CARS1: variants seen among roughly 807,000 people sequenced by gnomAD.
CARS1 encodes the protein cysteine--tRNA ligase, cytoplasmic.
Under a neutral mutation model 106.2 loss-of-function variants are expected in CARS1, and 48 were observed. The ratio of observed to expected loss-of-function variants is 0.45; its 90% CI spans 0.36 to 0.57. The LOEUF (loss-of-function observed/expected upper bound fraction) is 0.57. CARS1 is among the 20% of genes least tolerant of loss of function. The probability of loss-of-function intolerance (pLI) is 0.00; values close to 1 mark genes in which losing one functional copy is unlikely to be tolerated. For synonymous variants in CARS1, 409 were observed against 403.4 expected (o/e 1.01, Z -0.17); for missense variants, 968 against 1,057.2 (o/e 0.92, Z 1.17).
rs1849641198 is a variant in CARS1 at position 3,004,144 on chromosome 11, G to A, written c.2217+1222C>T. Among the ~76,000 whole-genome samples the A allele has an allele frequency of 6.6e-6, 1 of 152,208 alleles. No individual in the cohort carries two copies. Among genetic ancestry groups the A allele is most frequent in the African/African-American group, 2.4e-5 (1 of 41,442 alleles). ...GTGAGTGACTGTGATGGAATGGGGA[G>A]GGGCCCTGATGAGGCAGTCACACCA... On this transcript the variant is annotated intron_variant, in intron 20 of 22. Coordinates refer to ENST00000380525, the MANE Select transcript of CARS1 (RefSeq NM_001014437.3). This position sits in a 1 kb window ranked among gnomAD's most constrained non-coding sequence, Gnocchi z 5.2.
At chr11:3,054,663 C>G (rs376150292) in intron 1 of CARS1, among the ~76,000 whole-genome samples, 2 of 152,204 alleles carry the variant, frequency 1.3e-5, no homozygotes, top group African/African-American at 4.8e-5. Context: ...TGATGGTGGA[C>G]AGATTGCTTG....
Position 3,008,981 on chromosome 11 carries a change from A to T in CARS1, c.2069-2022T>A, listed in dbSNP as rs935604151. ...ATGGGTGATCATCAGAGCAGGCACC[A>T]AGAAAGCCTCCCGGGCCACACTCCC... is the stretch of plus-strand genomic sequence containing the variant. On this transcript the variant is annotated intron_variant, in intron 18 of 22. Coordinates refer to ENST00000380525, the MANE Select transcript of CARS1 (RefSeq NM_001014437.3). The surrounding 1 kb of genome is among the most constrained non-coding windows in gnomAD (Gnocchi z 5.1). The T allele has an allele frequency of 6.6e-6, 1 of 152,440 alleles. No homozygotes were observed. The highest frequency in any genetic ancestry group is 2.4e-5 in the African/African-American group (1 of 41,458). 9.4% of individuals were successfully genotyped at this position (152,440 alleles called of 1,614,324 possible).
chr11:3,033,066 A>T (rs182434869), intron 7 of CARS1, among the ~76,000 whole-genome samples: 131 of 152,032 alleles, frequency 8.6e-4, no homozygotes, highest in African/African-American at 3.0e-3. Flanking sequence ...TTTTTTTCTA[A>T]AAAGTGAAAA....
rs1036074693 is a variant in CARS1 at position 3,044,080 on chromosome 11, G to A, written c.275-1824C>T. 6.6e-6 allele frequency among the ~76,000 whole-genome samples: 1 copy of A among 152,184 alleles called. No homozygotes were observed. The highest frequency in any genetic ancestry group is 2.1e-4 in the South Asian group (1 of 4,828). On this transcript the variant is annotated intron_variant, in intron 2 of 22. Transcript: ENST00000380525. This position sits in a 1 kb window ranked among gnomAD's most constrained non-coding sequence, Gnocchi z 4.4. ...TGGAGGCATTCAACCGGCCACTCTA[G>A]GATCCCATCACTCTCCTCCCTCACA...
rs1163533013 is a variant in CARS1, at chr11:3,029,046, A to G, written c.981T>C (p.Tyr327=). Residue 327 remains tyrosine, a synonymous_variant, in exon 9 of 23, where the codon TAT becomes TAC. Transcript: ENST00000380525. This position sits in a 1 kb window ranked among gnomAD's most constrained non-coding sequence, Gnocchi z 5.9. ...PPDVLTRVSE[Y]VPEIVNFVQK... ...GGACAAAGTTCACAATTTCTGGCACATACTCACTAACCCGGGTTAAGACAT... is the reference window on the plus strand; with the variant it reads ...GGACAAAGTTCACAATTTCTGGCACGTACTCACTAACCCGGGTTAAGACAT... 1.5e-5 allele frequency: 24 copies of G among 1,613,910 alleles called. No individual in the cohort carries two copies. In the Middle Eastern group the frequency reaches 4.9e-4, roughly 33 times the overall value.
rs757040395 is a variant in CARS1 at position 3,018,582 on chromosome 11, A to G, written c.1525+38T>C. ...CTACAGCCATTACACATGTATGAGA[A>G]GGTGGTTGGGGGGTCTGTGGGAGAA... On this transcript the variant is annotated intron_variant, in intron 13 of 22. Transcript: ENST00000380525. 5.0e-6 allele frequency: 8 copies of G among 1,613,332 alleles called. No individual in the cohort carries two copies. The South Asian group carries it at 8.8e-5, about 18-fold the overall frequency.
intron 10 of CARS1, among the ~76,000 whole-genome samples, 153 bp downstream of exon 10, chr11:3,026,523 C>T (rs1852093423): frequency 6.6e-6 from 1 of 152,098 alleles, no homozygotes; most frequent in Admixed American, 6.5e-5. Context: ...ATGTTGAGTG[C>T]AGAAAACTCC....
chr11:3,006,944 T>A lies in CARS1; in HGVS notation c.2084A>T (p.Gln695Leu). 6.2e-7 allele frequency: 1 copy of A among 1,614,034 alleles called. No individual in the cohort carries two copies. Among genetic ancestry groups the A allele is most frequent in the Middle Eastern group, 1.7e-4 (1 of 6,060 alleles). Residue 695 changes from glutamine to leucine, a missense_variant, in exon 19 of 23, where the codon CAG becomes CTG. Gln to Leu is a moderately radical substitution (Grantham distance 113). Coordinates refer to ENST00000380525, the MANE Select transcript of CARS1 (RefSeq NM_001014437.3). ...GTTGTCCCGCAGGGCATCGCTGAGC[T>A]GCAGAATCTCAGGGACTGTAGGAGA... ...AREQKVPEIL[Q>L]LSDALRDNIL...
At chr11:3,049,095 TTTTA>T (rs143824188) in intron 1 of CARS1, among the ~76,000 whole-genome samples, 60,277 of 150,422 alleles carry the variant, frequency 0.4, 12,401 homozygotes, top group African/African-American at 0.44. Flanking sequence ...CCTTTTTTAT[TTTTA>T]TTTATTTATT....
chr11:3,054,058 G>A (rs1855948008), intron 1 of CARS1, among the ~76,000 whole-genome samples: 1 of 152,128 alleles, frequency 6.6e-6, no homozygotes, highest in Non-Finnish European at 1.5e-5. Context: ...CCCCAGACAT[G>A]AATCGTGGGG....
At chr11:3,016,604 A>G (rs1351855355) in intron 16 of CARS1, among the ~76,000 whole-genome samples, 5 of 152,102 alleles carry the variant, frequency 3.3e-5, no homozygotes, top group Admixed American at 3.3e-4. Flanking sequence ...AAGGACAACT[A>G]TATGGATGTT....
chr11:3,048,068 A>G lies in CARS1; in HGVS notation c.26-67T>C. The G allele has an allele frequency of 6.4e-7, 1 of 1,573,242 alleles. No individual in the cohort carries two copies. The highest frequency in any genetic ancestry group is 1.7e-5 in the Admixed American group (1 of 58,090). On this transcript the variant is annotated intron_variant, in intron 1 of 22. Coordinates refer to ENST00000380525, the MANE Select transcript of CARS1 (RefSeq NM_001014437.3). The surrounding 1 kb of genome is among the most constrained non-coding windows in gnomAD (Gnocchi z 5.1). ...GCAGCCCAGAGGCCGCCAGAAAGAC[A>G]GGGACTAGGGGATGGCACAGAACCA...
Position 3,030,838 on chromosome 11 carries a change from T to C in CARS1, c.802-1395A>G, listed in dbSNP as rs1852658387. On this transcript the variant is annotated intron_variant, in intron 7 of 22. Coordinates refer to ENST00000380525, the MANE Select transcript of CARS1 (RefSeq NM_001014437.3). This position sits in a 1 kb window ranked among gnomAD's most constrained non-coding sequence, Gnocchi z 5.7. ...TAGAAGCAAACGGAACCTGCAGAGA[T>C]GAAATCTATTAACAGGCGAAACAGT... 1 of 152,156 alleles carries C rather than the reference T, an allele frequency of 6.6e-6. No individual in the cohort carries two copies. The highest frequency in any genetic ancestry group is 1.5e-5 in the Non-Finnish European group (1 of 68,024). The allele number at this position is 152,156 out of a possible 1,614,324, so 9.4% of individuals were successfully genotyped here.
rs193115657 is a variant in CARS1, at chr11:3,040,210, C to G, written c.456-279G>C. 7.5e-5 allele frequency: 29 copies of G among 388,632 alleles called. No homozygotes were observed. Among genetic ancestry groups the G allele is most frequent in the Admixed American group, 1.3e-4 (3 of 22,492 alleles). The allele number at this position is 388,632 out of a possible 1,614,324, so 24.1% of individuals were successfully genotyped here. On this transcript the variant is annotated intron_variant, in intron 4 of 22. Coordinates refer to ENST00000380525, the MANE Select transcript of CARS1 (RefSeq NM_001014437.3). The surrounding 1 kb of genome is among the most constrained non-coding windows in gnomAD (Gnocchi z 5.8). ...TTTTCTTTTCTCTGGCTTCCTTTAT[C>G]ATTAGGAATACAGTATGTAATGTAT...
rs535615684 is a variant in CARS1 at position 3,048,889 on chromosome 11, A to C, written c.26-888T>G. On this transcript the variant is annotated intron_variant, in intron 1 of 22. Coordinates refer to ENST00000380525, the MANE Select transcript of CARS1 (RefSeq NM_001014437.3). This position sits in a 1 kb window ranked among gnomAD's most constrained non-coding sequence, Gnocchi z 5.1. ...AGAGCCTTCAAAGCAGTAAGCGTGC[A>C]CCTCCACCACTCAGGTGTGTCACTC... 1.3e-3 allele frequency among the ~76,000 whole-genome samples: 196 copies of C among 152,150 alleles called. 1 individual carries two copies. The highest frequency in any genetic ancestry group is 4.4e-3 in the African/African-American group (182 of 41,510).
chr11:3,017,393 A>G lies in CARS1; in HGVS notation c.1728-98T>C. The G allele has an allele frequency of 9.0e-7, 1 of 1,114,210 alleles. No individual in the cohort carries two copies. The highest frequency in any genetic ancestry group is 1.3e-6 in the Non-Finnish European group (1 of 761,474). The allele number at this position is 1,114,210 out of a possible 1,614,324, so 69.0% of individuals were successfully genotyped here. On this transcript the variant is annotated intron_variant, in intron 15 of 22. Transcript: ENST00000380525. The surrounding 1 kb of genome is among the most constrained non-coding windows in gnomAD (Gnocchi z 4.9). ...CGCAGTGGCTCACGCCTATAATCCC[A>G]GCACTTTGGGAGGCTGAGGTGGGCG...
In CARS1 at chr11:3,017,160, C is replaced by T. The variant is rs1445102144; in HGVS notation, c.1863G>A (p.Arg621=). 1.2e-6 allele frequency: 2 copies of T among 1,614,170 alleles called. No individual in the cohort carries two copies. The highest frequency in any genetic ancestry group is 1.1e-5 in the South Asian group (1 of 91,084). ...YMAARKAVRK[R]PNQALLENIA... ...TGTTCTCCAGCAGAGCCTGGTTGGG[C>T]CTCTTCCTCACGGCTTTCCGGGCTG... Residue 621 remains arginine (R), a synonymous_variant, in exon 16 of 23, where the codon AGG becomes AGA. Coordinates refer to ENST00000380525, the MANE Select transcript of CARS1 (RefSeq NM_001014437.3). This position sits in a 1 kb window ranked among gnomAD's most constrained non-coding sequence, Gnocchi z 4.9.
At chr11:3,023,984 C>T (rs1851811235) in intron 10 of CARS1, among the ~76,000 whole-genome samples, 2 of 152,130 alleles carry the variant, frequency 1.3e-5, no homozygotes, top group South Asian at 4.1e-4. Flanking sequence ...CCTCCGCCTC[C>T]AGGGTTCAAG....
Position 3,026,952 on chromosome 11 carries a change from T to C in CARS1, c.1032-155A>G, listed in dbSNP as rs2134183433. The C allele has an allele frequency of 3.7e-6, 3 of 809,112 alleles. No individual in the cohort carries two copies. The East Asian group carries it at 8.4e-5, about 23-fold the overall frequency. The allele number at this position is 809,112 out of a possible 1,614,324, so 50.1% of individuals were successfully genotyped here. A position where few individuals can be genotyped will look rare whatever the true frequency, so the allele number is the denominator to read the frequency against. On this transcript the variant is annotated intron_variant, in intron 9 of 22. Transcript: ENST00000380525. ...GCCACTGAAAACCGTATCAGCTGTT[T>C]GGACTGAGTGGGACACCAGGGCCCA...
Sources: gnomAD v4.1 joint callset for allele counts (sites outside exome capture counted in the v4.1 genomes callset) on GRCh38, gnomAD v4.1.1 for gene constraint, Gnocchi (gnomAD v3.1) non-coding constraint, MANE v1.5 for transcripts, NCBI Gene and HGNC (gene_info 2026-07-23, HGNC 2026-07-21) for gene names.